RNF126: variants seen among roughly 807,000 people sequenced by gnomAD.
RNF126 encodes the protein ring finger protein 126.
In RNF126, 20 loss-of-function variants were observed where a neutral mutation model predicts 41.9. The ratio of observed to expected loss-of-function variants is 0.48; its 90% CI spans 0.34 to 0.69. The LOEUF (loss-of-function observed/expected upper bound fraction) is 0.69. RNF126 is among the 30% of genes least tolerant of loss of function. RNF126 has a pLI of 0.01. For synonymous variants in RNF126, 239 were observed against 202.9 expected (o/e 1.18, Z -1.51); for missense variants, 433 against 460.6 (o/e 0.94, Z 0.55).
intron 1 of RNF126, among the ~76,000 whole-genome samples, chr19:660,882 T>C (rs1332006138): frequency 6.6e-6 from 1 of 152,236 alleles, no homozygotes; most frequent in African/African-American, 2.4e-5. Context: ...GGGCGCCTTG[T>C]TGCGTCCTGC....
intron 6 of RNF126, 75 bp from the exon 7 acceptor site, chr19:649,050 G>A (rs2030124401): frequency 9.8e-6 from 7 of 714,828 alleles, no homozygotes; most frequent in Non-Finnish European, 1.4e-5. Context: ...GAGGCTGCAG[G>A]ACCTGCAAAA....
At chr19:653,503 T>G (rs1348738529) in intron 1 of RNF126, among the ~76,000 whole-genome samples, 1 of 152,226 alleles carries the variant, frequency 6.6e-6, no homozygotes, top group Non-Finnish European at 1.5e-5. Context: ...AAGCCACAGC[T>G]GTGCCGAGCA....
chr19:661,842 C>T (rs2030817153), intron 1 of RNF126, among the ~76,000 whole-genome samples: 3 of 152,162 alleles, frequency 2.0e-5, no homozygotes, highest in African/African-American at 7.2e-5. Context: ...GGTGGGGAGT[C>T]CAGACCCCTC....
At chr19:649,821 A>G (rs907604403) in intron 5 of RNF126, 73 bp from the exon 6 acceptor site, 6 of 1,251,662 alleles carry the variant, frequency 4.8e-6, no homozygotes, top group Non-Finnish European at 6.8e-6. Flanking sequence ...CCCACTCACC[A>G]GGGGCCCAGG....
chr19:654,437 G>C (rs1190147362), intron 1 of RNF126, among the ~76,000 whole-genome samples: 4 of 151,942 alleles, frequency 2.6e-5, no homozygotes. Flanking sequence ...GAGATCAGGA[G>C]TTGGAGACCA....
At chr19:657,621 C>T (rs1169546483) in intron 1 of RNF126, among the ~76,000 whole-genome samples, 1 of 152,228 alleles carries the variant, frequency 6.6e-6, no homozygotes, top group African/African-American at 2.4e-5. Flanking sequence ...CAAGCCTCTG[C>T]CCTGTCACAG....
chr19:657,077 C>T (rs1016603716), intron 1 of RNF126, among the ~76,000 whole-genome samples: 3 of 152,198 alleles, frequency 2.0e-5, no homozygotes, highest in African/African-American at 4.8e-5. Context: ...GAGGGCAGGA[C>T]GTAAGTCAGC....
chr19:648,157 T>C lies in RNF126; in HGVS notation c.907A>G (p.Ser303Gly). Residue 303 changes from serine to glycine, a missense_variant, in exon 9 of 9, where the codon AGC becomes GGC. By Grantham distance (56) the Ser-to-Gly change is moderately conservative. Coordinates refer to ENST00000292363, the MANE Select transcript of RNF126 (RefSeq NM_194460.3). The part of the protein sequence containing the change: ...SSSSSSSSSP[S>G]NENATSNS ...GAGTTGCTTGTGGCGTTCTCGTTGCTGGGCGAGCTGGAGGAGGACGATGAC... is the reference window on the plus strand; with the variant it reads ...GAGTTGCTTGTGGCGTTCTCGTTGCCGGGCGAGCTGGAGGAGGACGATGAC... 6.2e-7 allele frequency: 1 copy of C among 1,600,940 alleles called. No homozygotes were observed. Among genetic ancestry groups the C allele is most frequent in the South Asian group, 1.1e-5 (1 of 89,864 alleles).
At chr19:662,714 G>A (rs766870770) in intron 1 of RNF126, among the ~76,000 whole-genome samples, 11 of 152,192 alleles carry the variant, frequency 7.2e-5, no homozygotes, top group South Asian at 4.1e-4. Flanking sequence ...AGGCTCACCG[G>A]GCTTAGGGAT....
chr19:652,349 C>A, intron 2 of RNF126, 53 bp from the exon 3 acceptor site: 3 of 1,428,792 alleles, frequency 2.1e-6, no homozygotes, highest in Non-Finnish European at 2.8e-6. Context: ...CCCCATGCGC[C>A]AGGCGCTCCC....
rs115382924 is a variant in RNF126, at chr19:651,927, A to G, written c.199-72T>C. ...GTCTGCTGGGGGCGCTAGGGCACAA[A>G]GACAAAGGAGAAAGCAAGACGGGCC... On this transcript the variant is annotated intron_variant, in intron 3 of 8. Coordinates refer to ENST00000292363, the MANE Select transcript of RNF126 (RefSeq NM_194460.3). The G allele has an allele frequency of 1.8e-3, 2,472 of 1,404,538 alleles. 35 individuals are homozygous for G. The African/African-American group carries it at 0.032, about 18-fold the overall frequency. 87.0% of individuals were successfully genotyped at this position (1,404,538 alleles called of 1,614,324 possible). A position where few individuals can be genotyped will look rare whatever the true frequency, so the allele number is the denominator to read the frequency against.
At chr19:649,221 G>T (rs1057494493) in intron 6 of RNF126, 2 of 81,832 alleles carry the variant, frequency 2.4e-5, no homozygotes, top group Non-Finnish European at 3.8e-5. Flanking sequence ...ACAGCGGAAT[G>T]GGGGGGGGGG....
At chr19:657,356 G>A (rs964464058) in intron 1 of RNF126, among the ~76,000 whole-genome samples, 7 of 152,226 alleles carry the variant, frequency 4.6e-5, no homozygotes, top group African/African-American at 1.7e-4. Flanking sequence ...TCTCAGTCCA[G>A]GGCACAACGC....
chr19:655,400 G>A (rs1049133316), intron 1 of RNF126, among the ~76,000 whole-genome samples: 2 of 151,776 alleles, frequency 1.3e-5, no homozygotes, highest in African/African-American at 4.8e-5. Context: ...GCAGGAGAAC[G>A]GCTTGAACCT....
intron 6 of RNF126, chr19:649,231 G>GC: frequency 3.9e-6 from 1 of 254,664 alleles, no homozygotes; most frequent in Non-Finnish European, 7.3e-6. Context: ...GGGGGGGGGG[G>GC]CCGCGCTCCT....
intron 4 of RNF126, chr19:651,350 C>T: frequency 2.8e-6 from 1 of 361,128 alleles, no homozygotes; most frequent in African/African-American, 2.2e-5. Context: ...CGCGTGTGGA[C>T]AGCAGTCTCC....
At position 648,219 on chromosome 19, in the gene RNF126, G is replaced by T; in HGVS notation, c.845C>A (p.Pro282His). Residue 282 changes from proline to histidine, a missense_variant, in exon 9 of 9, where the codon CCC becomes CAC. Around this residue, in one of 5 missense-constraint regions of RNF126, gnomAD observed 63 missense variants for 47.9 expected, o/e 1.32. Transcript: ENST00000292363. ...GAAGCTCACCCCAGTGAGGCCAGGG[G>T]GGTTCGTGGCCGTGTTCTGTCCCGT... ...SLTGQNTATNPPGLTGVSFSS... is the reference protein window; with the variant it reads ...SLTGQNTATNHPGLTGVSFSS... 2 of 1,602,768 alleles carry T rather than the reference G, an allele frequency of 1.2e-6. No homozygotes were observed. Among genetic ancestry groups the T allele is most frequent in the Non-Finnish European group, 1.7e-6 (2 of 1,174,970 alleles).
In RNF126 at chr19:648,314, A is replaced by C. The variant is rs1246885783; in HGVS notation, c.787-37T>G. ...CAGAGGCAGGGACGGGAGAAGGGGC[A>C]GGTTAGAGGCGGGAGGGCCGCGGTC... On this transcript the variant is annotated intron_variant, in intron 8 of 8. Transcript: ENST00000292363. The C allele has an allele frequency of 7.3e-6, 8 of 1,088,968 alleles. No individual in the cohort carries two copies. The South Asian group carries it at 1.3e-4, about 18-fold the overall frequency. 67.5% of individuals were successfully genotyped at this position (1,088,968 alleles called of 1,614,324 possible).
intron 6 of RNF126, 104 bp downstream of exon 6, chr19:649,575 T>C (rs1310674224): frequency 3.3e-6 from 3 of 918,732 alleles, no homozygotes; most frequent in East Asian, 5.3e-5. Flanking sequence ...CGCATCCCCT[T>C]TGACCTTTGT....
Sources: allele counts gnomAD v4.1 joint callset (sites outside exome capture counted in the v4.1 genomes callset), GRCh38; gene constraint gnomAD v4.1.1; regional missense constraint gnomAD v4.1.1; transcripts MANE v1.5; gene names NCBI Gene and HGNC (gene_info 2026-07-23, HGNC 2026-07-21).